Variants in DOK6 observed in about 807,000 individuals in gnomAD.
DOK6 encodes docking protein 6.
Under a neutral mutation model 44.0 loss-of-function variants are expected in DOK6, and 22 were observed. The observed-to-expected ratio is 0.50, with a 90% confidence interval of 0.36 to 0.71. The LOEUF is 0.71. Among genes scored for constraint, DOK6 ranks in the 30% least tolerant of loss-of-function variants. DOK6 has a pLI of 0.00. For missense variants in DOK6, 340 were observed against 416.4 expected (o/e 0.82, Z 1.60); for synonymous variants, 166 against 145.5 (o/e 1.14, Z -1.01).
At chr18:69,589,860 C>A (rs1385388227) in intron 2 of DOK6, among the ~76,000 whole-genome samples, 2 of 152,072 alleles carry the variant, frequency 1.3e-5, no homozygotes, top group African/African-American at 4.8e-5. Flanking sequence ...ATCGCTATGT[C>A]CTTAAGCCCA....
intron 5 of DOK6, among the ~76,000 whole-genome samples, chr18:69,717,290 A>C (rs1260989012): frequency 6.6e-6 from 1 of 152,214 alleles, no homozygotes; most frequent in Non-Finnish European, 1.5e-5. Flanking sequence ...AATGTGTAAA[A>C]GTATTCATTA....
intron 6 of DOK6, 113 bp from the exon 7 acceptor site, chr18:69,757,643 G>A (rs1000155240): frequency 7.6e-6 from 6 of 792,762 alleles, no homozygotes; most frequent in Admixed American, 5.9e-5. Flanking sequence ...GATCATGCAG[G>A]TATCTATAGC....
At chr18:69,712,986 G>A (rs755770145) in intron 5 of DOK6, among the ~76,000 whole-genome samples, 21 of 152,080 alleles carry the variant, frequency 1.4e-4, no homozygotes, top group Non-Finnish European at 2.6e-4. Context: ...CAAGATACAC[G>A]AGACTGACCT....
At chr18:69,674,951 C>CCTCT (rs529321983) in intron 3 of DOK6, among the ~76,000 whole-genome samples, 3 of 151,650 alleles carry the variant, frequency 2.0e-5, no homozygotes, top group Admixed American at 6.6e-5. Context: ...AATCTCTCTT[C>CCTCT]CTCTCTCTCT....
intron 5 of DOK6, among the ~76,000 whole-genome samples, chr18:69,722,649 C>T (rs931687758): frequency 5.9e-5 from 9 of 152,136 alleles, no homozygotes; most frequent in Non-Finnish European, 8.8e-5. Context: ...AAACTGAATC[C>T]AGTATGCTTT....
chr18:69,839,759 G>A (rs988943089), intron 7 of DOK6, among the ~76,000 whole-genome samples: 3 of 152,198 alleles, frequency 2.0e-5, no homozygotes, highest in African/African-American at 7.2e-5. Context: ...TCCAGGCGCC[G>A]TGGGGCAGAA....
At chr18:69,674,672 G>C (rs930513726) in intron 3 of DOK6, among the ~76,000 whole-genome samples, 1 of 151,756 alleles carries the variant, frequency 6.6e-6, no homozygotes, top group South Asian at 2.1e-4. Context: ...ATACACGCAC[G>C]CTCACTAACA....
intron 1 of DOK6, among the ~76,000 whole-genome samples, chr18:69,497,268 G>A (rs894290486): frequency 6.6e-6 from 1 of 152,136 alleles, no homozygotes; most frequent in African/African-American, 2.4e-5. Context: ...AAAGTCATTC[G>A]AACAGCAGTT....
chr18:69,704,451 T>G (rs1424229748), intron 5 of DOK6, among the ~76,000 whole-genome samples: 3 of 150,892 alleles, frequency 2.0e-5, no homozygotes. Context: ...TTTGTAGCAG[T>G]GTGTACATCA....
At position 69,494,427 on chromosome 18, in the gene DOK6, A is replaced by C. The variant is rs184736284; in HGVS notation, c.67-70060A>C. Reference sequence around the variant, plus strand: ...GGAGACAGAGGTTGCAGTGAGCCAAAATCAAGCCACTACACTCCAGCCTGG... The same window carrying C: ...GGAGACAGAGGTTGCAGTGAGCCAACATCAAGCCACTACACTCCAGCCTGG... On this transcript the variant is annotated intron_variant, in intron 1 of 7. Coordinates refer to ENST00000382713, the MANE Select transcript of DOK6 (RefSeq NM_152721.6). 1.6e-3 allele frequency among the ~76,000 whole-genome samples: 251 copies of C among 152,248 alleles called. 1 individual carries two copies. In the Middle Eastern group the frequency reaches 0.02, roughly 12 times the overall value.
At chr18:69,531,355 T>G (rs984749184) in intron 1 of DOK6, among the ~76,000 whole-genome samples, 1 of 150,606 alleles carries the variant, frequency 6.6e-6, no homozygotes, top group African/African-American at 2.4e-5. Flanking sequence ...AAGTAGAAAT[T>G]TTCCCTGCCA....
At chr18:69,631,017 G>A (rs917943101) in intron 3 of DOK6, among the ~76,000 whole-genome samples, 1 of 151,656 alleles carries the variant, frequency 6.6e-6, no homozygotes, top group African/African-American at 2.4e-5. Flanking sequence ...CATTCAAGGT[G>A]TTATATTTCT....
chr18:69,705,918 TAAA>T (rs34296321), intron 5 of DOK6, among the ~76,000 whole-genome samples: 5,442 of 145,878 alleles, frequency 0.037, 155 homozygotes, highest in East Asian at 0.088. Flanking sequence ...TAAATGTGAT[TAAA>T]AAAAAAAAAA....
intron 3 of DOK6, among the ~76,000 whole-genome samples, chr18:69,600,916 C>T (rs1983857190): frequency 1.3e-5 from 2 of 152,202 alleles, no homozygotes; most frequent in South Asian, 4.1e-4. Context: ...TATATTGCTG[C>T]TTTCAATCTG....
At chr18:69,690,137 T>A (rs1442203857) in intron 4 of DOK6, among the ~76,000 whole-genome samples, 2 of 152,160 alleles carry the variant, frequency 1.3e-5, no homozygotes, top group Non-Finnish European at 2.9e-5. Context: ...AATAGTCAAT[T>A]TTTGTAAAGC....
intron 1 of DOK6, among the ~76,000 whole-genome samples, chr18:69,469,113 G>T (rs912358840): frequency 2.0e-5 from 3 of 152,192 alleles, no homozygotes; most frequent in Non-Finnish European, 2.9e-5. Context: ...TGCTGATAGT[G>T]ACTTCAAAGT....
intron 1 of DOK6, among the ~76,000 whole-genome samples, chr18:69,427,984 G>A (rs1978690617): frequency 6.6e-6 from 1 of 151,936 alleles, no homozygotes; most frequent in Non-Finnish European, 1.5e-5. Flanking sequence ...TAATATGTTG[G>A]CCAGGCTGGT....
chr18:69,449,237 A>G (rs911583240), intron 1 of DOK6, among the ~76,000 whole-genome samples: 2 of 152,216 alleles, frequency 1.3e-5, no homozygotes, highest in African/African-American at 4.8e-5. Context: ...CTATATGAAC[A>G]GTAGTTTCCA....
At chr18:69,734,209 T>C (rs1978519531) in intron 5 of DOK6, among the ~76,000 whole-genome samples, 1 of 151,786 alleles carries the variant, frequency 6.6e-6, no homozygotes, top group Non-Finnish European at 1.5e-5. Flanking sequence ...TTTCCCTAAC[T>C]GACTTGAGAC....
Sources: allele counts gnomAD v4.1 joint callset (sites outside exome capture counted in the v4.1 genomes callset), GRCh38; gene constraint gnomAD v4.1.1; transcripts MANE v1.5; gene names NCBI Gene and HGNC (gene_info 2026-07-23, HGNC 2026-07-21).